The following USP6 variants were observed in gnomAD, a reference collection of about 807,000 sequenced individuals.
USP6 encodes ubiquitin carboxyl-terminal hydrolase 6.
USP6 carries 128 observed loss-of-function variants against 175.7 expected under a neutral mutation model. The ratio of observed to expected loss-of-function variants is 0.73; its 90% CI spans 0.63 to 0.84. USP6 has a LOEUF of 0.84. Among genes scored for constraint, USP6 ranks in the 40% least tolerant of loss-of-function variants. USP6 has a pLI of 0.00. For missense variants in USP6, 1,498 were observed against 1,760.3 expected, an observed-to-expected ratio of 0.85 and a Z score of 2.67; for synonymous variants, 562 against 630.6, an observed-to-expected ratio of 0.89 and a Z score of 1.63.
At chr17:5,164,720 CG>C (rs1167707967) in intron 33 of USP6, among the ~76,000 whole-genome samples, 1 of 152,182 alleles carries the variant, frequency 6.6e-6, no homozygotes, top group Non-Finnish European at 1.5e-5. Context: ...TATGCCTAAT[CG>C]GGGCTCCACT....
In USP6 at chr17:5,174,310, T is replaced by C. The variant is rs2074282577; in HGVS notation, c.*1332T>C. The C allele has an allele frequency of 1.1e-5, 2 of 189,566 alleles. No individual in the cohort carries two copies. Among genetic ancestry groups the C allele is most frequent in the East Asian group, 1.7e-4 (2 of 11,806 alleles). 11.7% of individuals were successfully genotyped at this position (189,566 alleles called of 1,614,324 possible). On this transcript the variant is annotated 3_prime_UTR_variant, in exon 38 of 38. Transcript: ENST00000574788. The stretch of plus-strand genomic sequence containing the variant: ...CACCTTATTTTTGGTCTTTGTTTAT[T>C]CATTTAGACCCTGCAAGTTGATTCT...
In USP6 at chr17:5,170,649, G is replaced by A. The variant is rs372923761; in HGVS notation, c.3688G>A (p.Glu1230Lys). Residue 1230 changes from glutamate (E) to lysine (K), a missense_variant, in exon 36 of 38, where the codon GAG becomes AAG. By Grantham distance (56) the Glu-to-Lys change is moderately conservative (BLOSUM62 1). Transcript: ENST00000574788. The part of the protein sequence containing the change: ...SSKKNLDASK[E>K]NGAGQICELA... ...TAAGAAGAACTTGGATGCCAGCAAA[G>A]AGAATGGGGCTGGGCAGATCTGTGA... 1.1e-5 allele frequency: 17 copies of A among 1,613,816 alleles called. 1 individual carries two copies. In the African/African-American group the frequency reaches 2.0e-4, roughly 19 times the overall value.
In USP6 at chr17:5,130,005, C is replaced by T. The variant is rs1325009267; in HGVS notation, c.-86C>T. 2.0e-5 allele frequency: 6 copies of T among 295,028 alleles called. No homozygotes were observed. Among genetic ancestry groups the T allele is most frequent in the African/African-American group, 4.3e-5 (2 of 46,534 alleles). The allele number at this position is 295,028 out of a possible 1,614,324, so 18.3% of individuals were successfully genotyped here. On this transcript the variant is annotated 5_prime_UTR_variant, in exon 9 of 38. Coordinates refer to ENST00000574788, the MANE Select transcript of USP6 (RefSeq NM_001304284.2). ...CGTACAGAGACCTCTGGTGCCTGAC[C>T]GCAGTTCACATCCACATCCCTGGAA...
At chr17:5,125,386 G>A (rs879668006) in intron 5 of USP6, 114 bp downstream of exon 5, 2 of 149,242 alleles carry the variant, frequency 1.3e-5, no homozygotes, top group Admixed American at 6.6e-5. Context: ...CCCTTCTCCC[G>A]GGTCCGTGGA....
At chr17:5,155,671 T>C (rs1211678242) in intron 31 of USP6, 65 bp downstream of exon 31, 2 of 1,506,586 alleles carry the variant, frequency 1.3e-6, no homozygotes, top group East Asian at 2.3e-5. Flanking sequence ...TTATATGAAT[T>C]CTACATGACA....
chr17:5,163,473 C>T (rs1449123062), intron 33 of USP6, among the ~76,000 whole-genome samples: 1 of 152,180 alleles, frequency 6.6e-6, no homozygotes, highest in Non-Finnish European at 1.5e-5. Flanking sequence ...CAGAAGAGAA[C>T]TCACTACTGC....
At chr17:5,150,824 A>G (rs2073750873) in intron 30 of USP6, among the ~76,000 whole-genome samples, 1 of 152,128 alleles carries the variant, frequency 6.6e-6, no homozygotes, top group African/African-American at 2.4e-5. Context: ...TCTGGAGGCC[A>G]GAAGTCTGAA....
In USP6 at chr17:5,146,142, C is replaced by T. The variant is rs780825921; in HGVS notation, c.2287C>T (p.Leu763=). Residue 763 remains leucine, a synonymous_variant, in exon 28 of 38, where the codon CTA becomes TTA. Coordinates refer to ENST00000574788, the MANE Select transcript of USP6 (RefSeq NM_001304284.2). ...CTGTGGACTTAATTCAGAACAAATC[C>T]TACTAGCAGAAGTACATGATTCCAA... ...DLCGLNSEQI[L]LAEVHDSNIK... 9.9e-5 allele frequency: 160 copies of T among 1,611,690 alleles called. No individual in the cohort carries two copies. The highest frequency in any genetic ancestry group is 3.3e-4 in the Middle Eastern group (2 of 6,048).
chr17:5,149,913 T>G (rs1181590548), intron 30 of USP6, among the ~76,000 whole-genome samples: 3 of 152,148 alleles, frequency 2.0e-5, no homozygotes, highest in South Asian at 4.1e-4. Flanking sequence ...GGCACTGAAC[T>G]AGGAATTTAG....
chr17:5,151,430 C>CGTGT (rs1567801858), intron 30 of USP6, among the ~76,000 whole-genome samples: 3 of 96,870 alleles, frequency 3.1e-5, no homozygotes, highest in African/African-American at 1.5e-4. Flanking sequence ...GCAAAGTCTG[C>CGTGT]ATGTGTGTGT....
rs764271221 is a variant in USP6, at chr17:5,168,761, C to G, written c.3229-6C>G. 4 of 1,557,172 alleles carry G rather than the reference C, an allele frequency of 2.6e-6. No individual in the cohort carries two copies. The highest frequency in any genetic ancestry group is 2.7e-5 in the African/African-American group (2 of 73,084). On this transcript the variant is annotated splice_polypyrimidine_tract_variant and splice_region_variant and intron_variant, in intron 34 of 37. Transcript: ENST00000574788. ...AATGCGATGTTTTCTACCTTTACTTCTCCAGATTATTCACCTTAAGCGATT... is the reference window on the plus strand; with the variant it reads ...AATGCGATGTTTTCTACCTTTACTTGTCCAGATTATTCACCTTAAGCGATT...
chr17:5,137,639 C>T lies in USP6; in HGVS notation c.826-12C>T, dbSNP rs1211578528. The T allele has an allele frequency of 1.9e-6, 3 of 1,602,206 alleles. No individual in the cohort carries two copies. Among genetic ancestry groups the T allele is most frequent in the Admixed American group, 3.4e-5 (2 of 59,664 alleles). ...GAAGGGCCAGGTTCTCTCATACCTG[C>T]TGTCCCCACAGATCTCTCTCGGGCT... On this transcript the variant is annotated splice_polypyrimidine_tract_variant and intron_variant, in intron 19 of 37. Transcript: ENST00000574788.
chr17:5,135,088 C>A, intron 15 of USP6, 146 bp from the exon 16 acceptor site: 3 of 893,574 alleles, frequency 3.4e-6, no homozygotes, highest in Non-Finnish European at 5.5e-6. Flanking sequence ...TGAAACATTT[C>A]TTCAACAGTC....
chr17:5,172,381 A>C (rs1352779186), intron 37 of USP6, among the ~76,000 whole-genome samples: 2 of 150,594 alleles, frequency 1.3e-5, no homozygotes, highest in African/African-American at 2.4e-5. Context: ...ACTACAAAAA[A>C]TTAGCCAGAT....
At chr17:5,140,398 C>G (rs2073410583) in intron 22 of USP6, among the ~76,000 whole-genome samples, 1 of 152,086 alleles carries the variant, frequency 6.6e-6, no homozygotes, top group Admixed American at 6.5e-5. Flanking sequence ...TAGGTGGACC[C>G]TGTCTCTAGA....
In USP6 at chr17:5,170,334, T is replaced by C. The variant is rs2074185615; in HGVS notation, c.3518-145T>C. 1.0e-5 allele frequency: 13 copies of C among 1,276,462 alleles called. No individual in the cohort carries two copies. In the South Asian group the frequency reaches 1.4e-4, roughly 14 times the overall value. The allele number at this position is 1,276,462 out of a possible 1,614,324, so 79.1% of individuals were successfully genotyped here. On this transcript the variant is annotated intron_variant, in intron 35 of 37. Coordinates refer to ENST00000574788, the MANE Select transcript of USP6 (RefSeq NM_001304284.2). ...AAAATGTAACTTACTGGCTACACAA[T>C]AGGAACCAAAGGGTAGCCAGTCATG...
chr17:5,145,723 G>A (rs1383955221), intron 27 of USP6, 144 bp downstream of exon 27: 1 of 1,233,224 alleles, frequency 8.1e-7, no homozygotes, highest in Non-Finnish European at 1.1e-6. Context: ...TTTTAGGCAT[G>A]ACTTGAGGTT....
chr17:5,150,379 G>T (rs1196089464), intron 30 of USP6, among the ~76,000 whole-genome samples: 1 of 151,380 alleles, frequency 6.6e-6, no homozygotes, highest in Non-Finnish European at 1.5e-5. Context: ...CAAGTAAATT[G>T]ATTGTATAGC....
chr17:5,118,850 CTG>C (rs1238730852), intron 2 of USP6, among the ~76,000 whole-genome samples: 1 of 152,202 alleles, frequency 6.6e-6, no homozygotes, highest in African/African-American at 2.4e-5. Flanking sequence ...CATCTACTGA[CTG>C]AGTCTGGGGT....
Sources: allele counts gnomAD v4.1 joint callset (sites outside exome capture counted in the v4.1 genomes callset), GRCh38; gene constraint gnomAD v4.1.1; transcripts MANE v1.5; gene names NCBI Gene and HGNC (gene_info 2026-07-23, HGNC 2026-07-21).